Variants in DPH5 observed in about 807,000 individuals in gnomAD.
DPH5 encodes diphthine methyl ester synthase.
In DPH5, 31 loss-of-function variants were observed where a neutral mutation model predicts 31.6. The ratio of observed to expected loss-of-function variants is 0.98; its 90% CI spans 0.74 to 1.32. The LOEUF is 1.32. Among genes scored for constraint, DPH5 ranks in the 40% most tolerant of loss-of-function variants. The probability of loss-of-function intolerance (pLI) is 0.00; values close to 1 mark genes in which losing one functional copy is unlikely to be tolerated. For missense variants in DPH5, 309 were observed against 335.7 expected, an observed-to-expected ratio of 0.92 and a Z score of 0.62; for synonymous variants, 120 against 115.0, an observed-to-expected ratio of 1.04 and a Z score of -0.28.
chr1:101,024,143 G>A (rs1056210784), intron 2 of DPH5, among the ~76,000 whole-genome samples: 1 of 152,120 alleles, frequency 6.6e-6, no homozygotes, highest in Non-Finnish European at 1.5e-5. Flanking sequence ...GTGGTTGCTT[G>A]TGCCTATACA....
At chr1:101,004,454 G>A (rs1455283058) in intron 4 of DPH5, among the ~76,000 whole-genome samples, 1 of 152,086 alleles carries the variant, frequency 6.6e-6, no homozygotes, top group East Asian at 1.9e-4. Flanking sequence ...TAAATTTAAA[G>A]ACTAAAAAAA....
At chr1:101,020,449 C>T (rs550205356) in intron 3 of DPH5, among the ~76,000 whole-genome samples, 10 of 152,186 alleles carry the variant, frequency 6.6e-5, no homozygotes, top group African/African-American at 2.2e-4. Flanking sequence ...GCTCCAGGTA[C>T]ACGATGAAAT....
intron 2 of DPH5, 90 bp from the exon 3 acceptor site, chr1:101,021,855 CACA>C: frequency 1.6e-6 from 2 of 1,245,798 alleles, no homozygotes; most frequent in African/African-American, 1.5e-5. Context: ...CACACACACA[CACA>C]CTCTTTGTTT....
Position 101,001,570 on chromosome 1 carries a change from C to T in DPH5, c.387G>A (p.Glu129=), listed in dbSNP as rs1294605534. ...CCGLQLYKFG[E]TVSIVFWTDT... ...CTGTCCAAAAAACAATAGAAACTGT[C>T]TCTCCAAACTTATATAACTAGAAAA... The change falls in exon 5 of 8, where the codon GAG becomes GAA. Residue 129 remains glutamate (E), a synonymous_variant. Transcript: ENST00000370109. 6.3e-7 allele frequency: 1 copy of T among 1,587,944 alleles called. No individual in the cohort carries two copies. Among genetic ancestry groups the T allele is most frequent in the African/African-American group, 1.4e-5 (1 of 73,982 alleles).
At chr1:101,000,699 A>T (rs923724209) in intron 5 of DPH5, among the ~76,000 whole-genome samples, 3 of 152,210 alleles carry the variant, frequency 2.0e-5, no homozygotes, top group African/African-American at 7.2e-5. Context: ...TCACAGATTA[A>T]GTCTTTGATA....
In DPH5 at chr1:100,990,580, T is replaced by G. The variant is rs758871223; in HGVS notation, c.686A>C (p.Asp229Ala). Reference protein sequence around the residue: ...CVGLARVGADDQKIAAGTLRQ... With the variant: ...CVGLARVGADAQKIAAGTLRQ... ...TAAAGTGCCTGCTGCAATTTTCTGG[T>G]CGTCGGCTCCAACCCTGGCTAAGCC... is the stretch of plus-strand genomic sequence containing the variant. The change falls in exon 8 of 8, where the codon GAC (aspartate) becomes GCC (alanine). Residue 229 changes from aspartate to alanine, a missense_variant. Coordinates refer to ENST00000370109, the MANE Select transcript of DPH5 (RefSeq NM_015958.3). 6.2e-7 allele frequency: 1 copy of G among 1,614,072 alleles called. No individual in the cohort carries two copies. The highest frequency in any genetic ancestry group is 1.1e-5 in the South Asian group (1 of 91,072).
At chr1:101,018,368 G>A (rs947070990) in intron 3 of DPH5, among the ~76,000 whole-genome samples, 10 of 151,700 alleles carry the variant, frequency 6.6e-5, no homozygotes, top group African/African-American at 2.4e-4. Context: ...CTCCTGAGTA[G>A]CTGGGATTAC....
At chr1:101,006,751 G>C (rs1223231300) in intron 4 of DPH5, among the ~76,000 whole-genome samples, 1 of 151,940 alleles carries the variant, frequency 6.6e-6, no homozygotes, top group African/African-American at 2.4e-5. Flanking sequence ...AAAAAAGAGA[G>C]GAAATGAGTT....
rs1660457200 is a variant in DPH5, at chr1:101,021,702, T to C, written c.199A>G (p.Asn67Asp). The change falls in exon 3 of 8, where the codon AAT becomes GAT. Residue 67 changes from asparagine to aspartate, a missense_variant. Transcript: ENST00000370109. ...DREEVEQEAD[N>D]ILKDADISDV... The stretch of plus-strand genomic sequence containing the variant: ...CTGATATCAGCATCCTTTAAAATAT[T>C]ATCTGCTTCTTGTTCCACTTCTTCT... 1 of 1,613,860 alleles carries C rather than the reference T, an allele frequency of 6.2e-7. No individual in the cohort carries two copies. Among genetic ancestry groups the C allele is most frequent in the African/African-American group, 1.3e-5 (1 of 74,900 alleles).
intron 5 of DPH5, among the ~76,000 whole-genome samples, chr1:100,999,547 T>G (rs1658681307): frequency 6.6e-6 from 1 of 151,382 alleles, no homozygotes; most frequent in African/African-American, 2.4e-5. Context: ...GCTTAAAAAT[T>G]TTTGGCAAAT....
intron 4 of DPH5, 153 bp downstream of exon 4, chr1:101,013,557 T>A: frequency 2.3e-6 from 1 of 444,204 alleles, no homozygotes; most frequent in Non-Finnish European, 3.9e-6. Flanking sequence ...AAATTAGTGT[T>A]AAAAAATTCA....
At chr1:101,008,176 T>C (rs995558857) in intron 4 of DPH5, among the ~76,000 whole-genome samples, 1 of 152,206 alleles carries the variant, frequency 6.6e-6, no homozygotes, top group Non-Finnish European at 1.5e-5. Flanking sequence ...TTTTCATACA[T>C]CTTACTGGCA....
intron 4 of DPH5, among the ~76,000 whole-genome samples, chr1:101,003,081 A>C (rs1658988536): frequency 6.6e-6 from 1 of 152,200 alleles, no homozygotes; most frequent in Non-Finnish European, 1.5e-5. Context: ...CTGCCTAAAA[A>C]CATATTATCT....
At chr1:101,016,874 G>C (rs1038180221) in intron 3 of DPH5, among the ~76,000 whole-genome samples, 1 of 152,170 alleles carries the variant, frequency 6.6e-6, no homozygotes, top group Non-Finnish European at 1.5e-5. Context: ...ATATTGTTGG[G>C]TCTCTGGTAA....
At chr1:101,002,736 TA>T (rs1658965693) in intron 4 of DPH5, among the ~76,000 whole-genome samples, 1 of 152,104 alleles carries the variant, frequency 6.6e-6, no homozygotes, top group Admixed American at 6.5e-5. Flanking sequence ...GTTCTTCAAT[TA>T]AAAATGCAGA....
chr1:101,020,231 A>G (rs1570706773), intron 3 of DPH5, among the ~76,000 whole-genome samples: 1 of 152,108 alleles, frequency 6.6e-6, no homozygotes, highest in Non-Finnish European at 1.5e-5. Context: ...CCCTATCCAG[A>G]CCCAGCGCAA....
intron 2 of DPH5, among the ~76,000 whole-genome samples, chr1:101,023,822 GTT>G (rs1168240661): frequency 6.6e-6 from 1 of 152,116 alleles, no homozygotes; most frequent in Non-Finnish European, 1.5e-5. Flanking sequence ...TAAAGTAGAT[GTT>G]TTTTACCCCA....
At chr1:101,025,493 C>T (rs200436425) in intron 1 of DPH5, 27 bp from the exon 2 acceptor site, 1 of 1,607,450 alleles carries the variant, frequency 6.2e-7, no homozygotes, top group African/African-American at 1.3e-5. Flanking sequence ...ACAGAAAAAC[C>T]GTCAGTAACA....
chr1:100,992,775 C>A, intron 6 of DPH5, 35 bp from the exon 7 acceptor site: 1 of 1,418,220 alleles, frequency 7.1e-7, no homozygotes, highest in African/African-American at 1.4e-5. Context: ...CTGTTCTTAG[C>A]CATGAAACTA....
Sources: gnomAD v4.1 joint callset for allele counts (sites outside exome capture counted in the v4.1 genomes callset) on GRCh38, gnomAD v4.1.1 for gene constraint, MANE v1.5 for transcripts, NCBI Gene and HGNC (gene_info 2026-07-23, HGNC 2026-07-21) for gene names.